The following NHS variants were observed in gnomAD, a reference collection of about 807,000 sequenced individuals.
NHS encodes actin remodeling regulator NHS.
Under a neutral mutation model 72.5 loss-of-function variants are expected in NHS, and 5 were observed. The ratio of observed to expected loss-of-function variants is 0.07; its 90% CI spans 0.04 to 0.14. NHS has a LOEUF of 0.14. Ranked by LOEUF, NHS falls within the 10% of genes least tolerant of loss-of-function variation. The probability of loss-of-function intolerance (pLI) is 1.00; values close to 1 mark genes in which losing one functional copy is unlikely to be tolerated. For missense variants in NHS, 1,072 were observed against 1,355.7 expected (o/e 0.79, Z 3.29); for synonymous variants, 464 against 547.7 (o/e 0.85, Z 2.13).
At chrX:17,455,591 C>T (rs188864906) in intron 1 of NHS, among the ~76,000 whole-genome samples, 59 of 112,162 alleles carry the variant, frequency 5.3e-4, no homozygotes, top group African/African-American at 1.8e-3. Flanking sequence ...GAACCCAAAG[C>T]GCATGCCCTC....
At chrX:17,595,903 G>A (rs967686703) in intron 1 of NHS, among the ~76,000 whole-genome samples, 2 of 111,718 alleles carry the variant, frequency 1.8e-5, no homozygotes, top group Non-Finnish European at 3.8e-5. Context: ...ACTTGTGTTG[G>A]TTCTTTAATA....
chrX:17,668,224 G>A (rs1392262856), intron 1 of NHS, among the ~76,000 whole-genome samples: 1 of 110,987 alleles, frequency 9.0e-6, no homozygotes, highest in Non-Finnish European at 1.9e-5. Context: ...TCACGTCACT[G>A]CACTCTAGCC....
chrX:17,510,782 G>A (rs1601740465), intron 1 of NHS, among the ~76,000 whole-genome samples: 1 of 112,062 alleles, frequency 8.9e-6, no homozygotes, highest in East Asian at 2.8e-4. Flanking sequence ...TTTTTGATGT[G>A]GGCATAAGGC....
At position 17,376,108 on chromosome X, in the gene NHS, C is replaced by T. The variant is rs1215500078; in HGVS notation, c.351C>T (p.Ala117=). 1.8e-6 allele frequency: 2 copies of T among 1,111,164 alleles called. No individual in the cohort carries two copies. Among genetic ancestry groups the T allele is most frequent in the Non-Finnish European group, 2.3e-6 (2 of 852,963 alleles). The allele number at this position is 1,111,164 out of a possible 1,213,427, so 91.6% of individuals were successfully genotyped here. The change falls in exon 1 of 9, where the codon GCC becomes GCT. Residue 117 remains alanine (A), a synonymous_variant. Coordinates refer to ENST00000676302, the MANE Select transcript of NHS (RefSeq NM_001291867.2). ...GEASSAAAAA[A]VLLMLDLCAV... is the part of the protein sequence containing the mutation. ...CGTCCTCGGCGGCGGCGGCGGCGGC[C>T]GTGCTGCTCATGCTGGACCTATGCG...
In NHS at chrX:17,725,931, T is replaced by A; in HGVS notation, c.1825T>A (p.Cys609Ser). Residue 609 changes from cysteine to serine, a missense_variant, in exon 7 of 9, where the codon TGC becomes AGC. Transcript: ENST00000676302. Reference protein sequence around the residue: ...NSDTFGSPIHCISTAGVLLSS... With the variant: ...NSDTFGSPIHSISTAGVLLSS... ...AGACACGTTTGGGAGCCCCATCCACTGCATCTCCACGGCTGGCGTCCTCCT... is the reference window on the plus strand; with the variant it reads ...AGACACGTTTGGGAGCCCCATCCACAGCATCTCCACGGCTGGCGTCCTCCT... 2 of 1,211,768 alleles carry A rather than the reference T, an allele frequency of 1.7e-6. No homozygotes were observed. Among genetic ancestry groups the A allele is most frequent in the Non-Finnish European group, 2.2e-6 (2 of 895,495 alleles).
At chrX:17,696,698 G>A (rs772903217) in intron 3 of NHS, among the ~76,000 whole-genome samples, 16 of 111,574 alleles carry the variant, frequency 1.4e-4, no homozygotes, top group East Asian at 2.8e-4. Context: ...TTGGTGGATC[G>A]AAATATACAC....
intron 1 of NHS, among the ~76,000 whole-genome samples, chrX:17,395,567 G>T (rs1225502001): frequency 1.8e-5 from 2 of 112,128 alleles, no homozygotes; most frequent in Admixed American, 1.9e-4. Flanking sequence ...TTGAAGGCTG[G>T]TGTAAATGAA....
chrX:17,402,494 T>C (rs1053372806), intron 1 of NHS, among the ~76,000 whole-genome samples: 1 of 112,025 alleles, frequency 8.9e-6, no homozygotes, highest in Non-Finnish European at 1.9e-5. Flanking sequence ...CTAAAGGCAA[T>C]AAAGATTATT....
chrX:17,565,076 A>G (rs914955029), intron 1 of NHS, among the ~76,000 whole-genome samples: 18 of 109,974 alleles, frequency 1.6e-4, no homozygotes, highest in Non-Finnish European at 2.8e-4. Flanking sequence ...GCTTTGAGCA[A>G]CAGAATGTGG....
chrX:17,685,985 AGACTAAGAGCT>A (rs1299284323), intron 1 of NHS, among the ~76,000 whole-genome samples: 2 of 111,908 alleles, frequency 1.8e-5, no homozygotes, highest in Non-Finnish European at 3.8e-5. Flanking sequence ...ACCATGCCTG[AGACTAAGAGCT>A]ACTTGGGAAT....
In NHS at chrX:17,451,157, T is replaced by C. The variant is rs139084026; in HGVS notation, c.565+74835T>C. Among the ~76,000 whole-genome samples, 128 of 112,572 alleles carry C rather than the reference T, an allele frequency of 1.1e-3. No individual in the cohort carries two copies. In the East Asian group the frequency reaches 0.026, roughly 23 times the overall value. On this transcript the variant is annotated intron_variant, in intron 1 of 8. Coordinates refer to ENST00000676302, the MANE Select transcript of NHS (RefSeq NM_001291867.2). ...ATATATTAGGTTAAATGTAATAAAT[T>C]ATTAATTTTACCTGTTTCTTTTTAG...
chrX:17,693,896 T>C (rs2066211990), intron 3 of NHS, among the ~76,000 whole-genome samples: 1 of 112,686 alleles, frequency 8.9e-6, no homozygotes, highest in African/African-American at 3.2e-5. Context: ...TGCTGAGGCA[T>C]TTGCTTTTAA....
At chrX:17,482,810 A>C (rs766117724) in intron 1 of NHS, among the ~76,000 whole-genome samples, 1 of 112,203 alleles carries the variant, frequency 8.9e-6, no homozygotes, top group Non-Finnish European at 1.9e-5. Flanking sequence ...TTCTCTTTTA[A>C]ATTTTTTTAA....
Position 17,719,423 on chromosome X carries a change from C to T in NHS, c.915+17C>T. On this transcript the variant is annotated intron_variant, in intron 4 of 8. Transcript: ENST00000676302. ...AGTAGAAAGGTATTGGTTCTGAGAA[C>T]ATTCCTTCACGGCCCTATCCCACTC... 1 of 1,128,676 alleles carries T rather than the reference C, an allele frequency of 8.9e-7. No individual in the cohort carries two copies. Among genetic ancestry groups the T allele is most frequent in the Non-Finnish European group, 1.2e-6 (1 of 839,350 alleles). 93.0% of individuals were successfully genotyped at this position (1,128,676 alleles called of 1,213,427 possible).
chrX:17,460,605 AC>A lies in NHS; in HGVS notation c.565+84288del, dbSNP rs746914929. Among the ~76,000 whole-genome samples the A allele has an allele frequency of 2.8e-4, 31 of 110,776 alleles. No homozygotes were observed. The East Asian group carries it at 8.8e-3, about 31-fold the overall frequency. ...CCATTTACAGTTAATTCCAAATCACACCCCCAGCCCCAGACAACCATTAATT... is the reference window on the plus strand; with the variant it reads ...CCATTTACAGTTAATTCCAAATCACACCCCAGCCCCAGACAACCATTAATT... On this transcript the variant is annotated intron_variant, in intron 1 of 8. Coordinates refer to ENST00000676302, the MANE Select transcript of NHS (RefSeq NM_001291867.2).
intron 1 of NHS, among the ~76,000 whole-genome samples, chrX:17,546,111 G>A (rs1441597833): frequency 1.8e-5 from 2 of 112,089 alleles, no homozygotes; most frequent in Non-Finnish European, 3.8e-5. Flanking sequence ...CCTGGCTAGT[G>A]CTGGTGTCTC....
At chrX:17,599,857 G>A (rs959666718) in intron 1 of NHS, among the ~76,000 whole-genome samples, 3 of 110,921 alleles carry the variant, frequency 2.7e-5, no homozygotes, top group African/African-American at 9.8e-5. Context: ...TGATCATTCT[G>A]TATCAGTGGG....
intron 1 of NHS, among the ~76,000 whole-genome samples, chrX:17,675,723 GC>G (rs759426434): frequency 5.3e-4 from 60 of 112,306 alleles, no homozygotes; most frequent in African/African-American, 1.7e-3. Flanking sequence ...TTAAGTATTT[GC>G]CACTCATCTA....
At chrX:17,390,678 AAG>A (rs2064440465) in intron 1 of NHS, among the ~76,000 whole-genome samples, 1 of 112,088 alleles carries the variant, frequency 8.9e-6, no homozygotes, top group Admixed American at 9.4e-5. Context: ...GGTATGAGAA[AAG>A]AGATGTTGGA....
Sources: allele counts gnomAD v4.1 joint callset (sites outside exome capture counted in the v4.1 genomes callset), GRCh38; gene constraint gnomAD v4.1.1; transcripts MANE v1.5; gene names NCBI Gene and HGNC (gene_info 2026-07-23, HGNC 2026-07-21).